Variants in GALNT11 observed in about 807,000 individuals in gnomAD.
The protein encoded by GALNT11 is UDP-GalNAc:polypeptide N-acetylgalactosaminyltransferase 11.
Under a neutral mutation model 72.7 loss-of-function variants are expected in GALNT11, and 47 were observed. That is an observed-to-expected ratio of 0.65 (90% CI 0.51 to 0.82). The LOEUF is 0.82. Ranked by LOEUF, GALNT11 falls within the 40% of genes least tolerant of loss-of-function variation. The pLI is 0.00. For synonymous variants in GALNT11, 270 were observed against 286.6 expected, an observed-to-expected ratio of 0.94 and a Z score of 0.58; for missense variants, 677 against 778.4, an observed-to-expected ratio of 0.87 and a Z score of 1.55.
At chr7:152,099,029 C>T (rs1439299722) in intron 2 of GALNT11, among the ~76,000 whole-genome samples, 2 of 152,134 alleles carry the variant, frequency 1.3e-5, no homozygotes, top group African/African-American at 4.8e-5. Flanking sequence ...GCTGCATTCG[C>T]CTCCTAGGTT....
In GALNT11 at chr7:152,111,644, A is replaced by ATATATT. The variant is rs201303779; in HGVS notation, c.1080+1000_1080+1001insATATTT. 9.4e-4 allele frequency among the ~76,000 whole-genome samples: 131 copies of ATATATT among 139,280 alleles called. 1 individual carries two copies. Among genetic ancestry groups the ATATATT allele is most frequent in the African/African-American group, 3.3e-3 (123 of 37,262 alleles). The allele number at this position is 139,280 out of a possible 152,430, so 91.4% of individuals were successfully genotyped here. A position where few individuals can be genotyped will look rare whatever the true frequency, so the allele number is the denominator to read the frequency against. The stretch of plus-strand genomic sequence containing the variant: ...TGTGTGTGTGTATATATATATATAT[A>ATATATT]TTTTTTTAAATTATAAAAGTATTGT... On this transcript the variant is annotated intron_variant, in intron 7 of 11. Transcript: ENST00000430044.
chr7:152,077,007 T>C (rs1390985784), intron 1 of GALNT11, among the ~76,000 whole-genome samples: 1 of 152,194 alleles, frequency 6.6e-6, no homozygotes, highest in African/African-American at 2.4e-5. Flanking sequence ...TGAGGATCGC[T>C]TGAGCCCAGG....
At position 152,060,306 on chromosome 7, in the gene GALNT11, T is replaced by C. The variant is rs571565726; in HGVS notation, c.-38-33884T>C. Among the ~76,000 whole-genome samples, 13 of 152,326 alleles carry C rather than the reference T, an allele frequency of 8.5e-5. No individual in the cohort carries two copies. In the South Asian group the frequency reaches 2.7e-3, roughly 32 times the overall value. ...ACTAAAGCTTTCTCCATATCCGCAT[T>C]GATGCTGTGTCACTTTCTTATTCCT... On this transcript the variant is annotated intron_variant, in intron 1 of 11. Transcript: ENST00000430044.
At chr7:152,114,628 T>C (rs1181962456) in intron 8 of GALNT11, among the ~76,000 whole-genome samples, 1 of 151,934 alleles carries the variant, frequency 6.6e-6, no homozygotes, top group Non-Finnish European at 1.5e-5. Context: ...CGGCGCAATC[T>C]CGGCTCACTG....
intron 1 of GALNT11, among the ~76,000 whole-genome samples, chr7:152,072,000 ACT>A (rs1257801395): frequency 1.4e-5 from 2 of 139,392 alleles, no homozygotes; most frequent in African/African-American, 5.4e-5. Context: ...CAAGAGCAAA[ACT>A]CTGTCTCAAA....
intron 1 of GALNT11, among the ~76,000 whole-genome samples, chr7:152,044,288 G>T (rs562066781): frequency 6.6e-6 from 1 of 152,316 alleles, no homozygotes; most frequent in East Asian, 1.9e-4. Flanking sequence ...GCTCTGGCTG[G>T]TTACCTGCAG....
chr7:152,120,464 C>T (rs754458892), intron 10 of GALNT11: 16 of 197,112 alleles, frequency 8.1e-5, no homozygotes, highest in African/African-American at 2.2e-4. Flanking sequence ...AAATGGCAGC[C>T]GTGTGCCCTT....
chr7:152,059,888 A>G (rs905642058), intron 1 of GALNT11, among the ~76,000 whole-genome samples: 3 of 152,252 alleles, frequency 2.0e-5, no homozygotes, highest in Non-Finnish European at 2.9e-5. Flanking sequence ...CAGCTGCATC[A>G]GCCCCTAACA....
chr7:152,053,929 T>C (rs2083522329), intron 1 of GALNT11, among the ~76,000 whole-genome samples: 1 of 152,240 alleles, frequency 6.6e-6, no homozygotes, highest in African/African-American at 2.4e-5. Context: ...AGAAAAACTT[T>C]CCTAGTTTTT....
Position 152,055,040 on chromosome 7 carries a change from T to G in GALNT11, c.-39+29156T>G, listed in dbSNP as rs956945033. ...AGCAGGCCAGAGACACAGGGAGGAGTTGCTGTTGCAATTTGAGTCCAAAGG... is the reference window on the plus strand; with the variant it reads ...AGCAGGCCAGAGACACAGGGAGGAGGTGCTGTTGCAATTTGAGTCCAAAGG... On this transcript the variant is annotated intron_variant, in intron 1 of 11. Coordinates refer to ENST00000430044, the MANE Select transcript of GALNT11 (RefSeq NM_022087.4). 9.3e-5 allele frequency among the ~76,000 whole-genome samples: 14 copies of G among 149,982 alleles called. No homozygotes were observed. The South Asian group carries it at 1.1e-3, about 11-fold the overall frequency.
intron 1 of GALNT11, among the ~76,000 whole-genome samples, chr7:152,047,713 C>A (rs2083205742): frequency 6.8e-6 from 1 of 146,288 alleles, no homozygotes; most frequent in African/African-American, 2.8e-5. Context: ...TGTGTGTGCG[C>A]ACACACACAA....
At chr7:152,099,852 T>G (rs2086699682) in intron 2 of GALNT11, among the ~76,000 whole-genome samples, 1 of 148,490 alleles carries the variant, frequency 6.7e-6, no homozygotes, top group Non-Finnish European at 1.5e-5. Flanking sequence ...GCAACCTTGA[T>G]GTCCTGGGCT....
intron 8 of GALNT11, among the ~76,000 whole-genome samples, chr7:152,115,512 G>A (rs1312111477): frequency 2.0e-5 from 3 of 152,214 alleles, no homozygotes; most frequent in African/African-American, 2.4e-5. Flanking sequence ...CTTGGTTCAA[G>A]GAAAAACACT....
Position 152,108,129 on chromosome 7 carries a change from C to T in GALNT11, c.804C>T (p.Thr268=), listed in dbSNP as rs200329753. Residue 268 remains threonine, a synonymous_variant, in exon 6 of 12, where the codon ACC becomes ACT. Transcript: ENST00000430044. The stretch of plus-strand genomic sequence containing the variant: ...CCGCCATCCGTGAGGACCGGCACAC[C>T]GTGGTGTGCCCAGTGATTGACATCA... ...LLAAIREDRH[T]VVCPVIDIIS... The T allele has an allele frequency of 1.4e-5, 23 of 1,614,128 alleles. No homozygotes were observed. In the African/African-American group the frequency reaches 1.7e-4, roughly 12 times the overall value.
chr7:152,067,264 A>G (rs529884525), intron 1 of GALNT11, among the ~76,000 whole-genome samples: 1 of 152,314 alleles, frequency 6.6e-6, no homozygotes, highest in African/African-American at 2.4e-5. Flanking sequence ...AGTGGTTGTC[A>G]GGTTTCTCCA....
chr7:152,045,211 TA>T (rs1279203233), intron 1 of GALNT11, among the ~76,000 whole-genome samples: 1 of 152,168 alleles, frequency 6.6e-6, no homozygotes, highest in Non-Finnish European at 1.5e-5. Context: ...GATTTTTTTT[TA>T]TCAGTGTTCA....
chr7:152,055,637 T>G (rs946830879), intron 1 of GALNT11, among the ~76,000 whole-genome samples: 1 of 151,498 alleles, frequency 6.6e-6, no homozygotes, highest in African/African-American at 2.4e-5. Context: ...AGGATACTTT[T>G]TAAATTAAAT....
intron 1 of GALNT11, among the ~76,000 whole-genome samples, chr7:152,045,732 TTTTTG>T (rs1370411753): frequency 6.6e-6 from 1 of 152,054 alleles, no homozygotes; most frequent in Non-Finnish European, 1.5e-5. Context: ...AAAAATGAAC[TTTTTG>T]TTTTGTTGAT....
intron 1 of GALNT11, among the ~76,000 whole-genome samples, chr7:152,057,921 T>C (rs1309090985): frequency 6.6e-6 from 1 of 152,204 alleles, no homozygotes; most frequent in East Asian, 1.9e-4. Flanking sequence ...ATTTGGTCAT[T>C]GTGTCTCCTT....
Sources: allele counts gnomAD v4.1 joint callset (sites outside exome capture counted in the v4.1 genomes callset), GRCh38; gene constraint gnomAD v4.1.1; transcripts MANE v1.5; gene names NCBI Gene and HGNC (gene_info 2026-07-23, HGNC 2026-07-21).